The following CD36 variants were observed in gnomAD, a reference collection of about 807,000 sequenced individuals.
CD36 encodes platelet glycoprotein 4.
A neutral mutation model predicts 55.2 loss-of-function variants in CD36; 119 were observed. The ratio of observed to expected loss-of-function variants is 2.15; its 90% CI spans 1.86 to 2.51. CD36 has a LOEUF of 2.51. Ranked by LOEUF, CD36 falls within the 30% of genes most tolerant of loss-of-function variation. CD36 has a pLI of 0.00. For synonymous variants in CD36, 186 were observed against 193.6 expected (o/e 0.96, Z 0.33); for missense variants, 819 against 555.5 (o/e 1.47, Z -4.77).
chr7:80,631,322 C>A (rs894233939), intron 1 of CD36, among the ~76,000 whole-genome samples: 1 of 151,924 alleles, frequency 6.6e-6, no homozygotes, highest in Non-Finnish European at 1.5e-5. Context: ...GATAACTAAA[C>A]CTACATAGGA....
At chr7:80,608,693 C>A (rs907947672) in intron 1 of CD36, among the ~76,000 whole-genome samples, 2 of 151,912 alleles carry the variant, frequency 1.3e-5, no homozygotes, top group Admixed American at 1.3e-4. Flanking sequence ...AATATTAAAC[C>A]CTGACAGGAC....
intron 1 of CD36, among the ~76,000 whole-genome samples, chr7:80,611,687 G>T (rs887062736): frequency 6.6e-6 from 1 of 152,168 alleles, no homozygotes; most frequent in Non-Finnish European, 1.5e-5. Flanking sequence ...GTTGGTTGGG[G>T]AGGGTCGAGG....
At chr7:80,650,340 A>G (rs1584381504) in intron 3 of CD36, among the ~76,000 whole-genome samples, 1 of 152,130 alleles carries the variant, frequency 6.6e-6, no homozygotes, top group African/African-American at 2.4e-5. Context: ...TAGGTGGAAT[A>G]TTGTTTGAAT....
intron 4 of CD36, among the ~76,000 whole-genome samples, chr7:80,659,696 A>G (rs1796375712): frequency 6.6e-6 from 1 of 152,110 alleles, no homozygotes; most frequent in African/African-American, 2.4e-5. Flanking sequence ...CACTTTAGGT[A>G]ACGTGACAAT....
intron 1 of CD36, among the ~76,000 whole-genome samples, chr7:80,606,668 C>T (rs531970882): frequency 5.3e-5 from 8 of 152,296 alleles, no homozygotes; most frequent in Admixed American, 5.2e-4. Flanking sequence ...CAGTCCATTT[C>T]ACTCTGGGTC....
In CD36 at chr7:80,664,470, C is replaced by T. The variant is rs1452003622; in HGVS notation, c.674C>T (p.Ala225Val). 8 of 1,572,368 alleles carry T rather than the reference C, an allele frequency of 5.1e-6. No homozygotes were observed. The highest frequency in any genetic ancestry group is 7.0e-6 in the Non-Finnish European group (8 of 1,142,390). ...GGAAAAGATAACATAAGTAAAGTTG[C>T]CATAATCGACACATATAAAGGTAAA... Reference protein sequence around the residue: ...FNGKDNISKVAIIDTYKGKRN... With the variant: ...FNGKDNISKVVIIDTYKGKRN... The change falls in exon 7 of 15, where the codon GCC becomes GTC. Residue 225 changes from alanine (A) to valine (V), a missense_variant. Physicochemically the swap from Ala to Val is moderately conservative, Grantham distance 64. Coordinates refer to ENST00000447544, the MANE Select transcript of CD36 (RefSeq NM_001001548.3).
chr7:80,675,633 C>CTTGA (rs1416693537), intron 14 of CD36, among the ~76,000 whole-genome samples: 1 of 151,896 alleles, frequency 6.6e-6, no homozygotes, highest in African/African-American at 2.4e-5. Context: ...CTGTTGATTA[C>CTTGA]TTGATTTACT....
chr7:80,639,741 C>A (rs1794686537), intron 1 of CD36: 1 of 151,732 alleles, frequency 6.6e-6, no homozygotes, highest in Non-Finnish European at 1.5e-5. Context: ...CACAAGGAAG[C>A]CAAAATGAAA....
upstream of CD36, among the ~76,000 whole-genome samples, chr7:80,635,748 C>A (rs571733828): frequency 6.6e-6 from 1 of 152,058 alleles, no homozygotes; most frequent in Non-Finnish European, 1.5e-5. Context: ...AATTCAGACT[C>A]GGATTCCATT....
At chr7:80,624,043 G>A (rs902512486) in intron 1 of CD36, 1 of 152,176 alleles carries the variant, frequency 6.6e-6, no homozygotes, top group African/African-American at 2.4e-5. Context: ...TAGGAGGTGG[G>A]ACTGACTGAT....
chr7:80,610,031 T>C (rs189269264), intron 1 of CD36, among the ~76,000 whole-genome samples: 2 of 152,294 alleles, frequency 1.3e-5, no homozygotes, highest in Admixed American at 1.3e-4. Flanking sequence ...AAAGCCTTCC[T>C]TGGAAAACAA....
At chr7:80,641,026 T>C (rs1307203219) in intron 1 of CD36, among the ~76,000 whole-genome samples, 2 of 152,082 alleles carry the variant, frequency 1.3e-5, no homozygotes, top group Non-Finnish European at 2.9e-5. Context: ...GAAAATTACT[T>C]GTGGAGCCCA....
chr7:80,621,637 A>AT (rs869183504), intron 1 of CD36, among the ~76,000 whole-genome samples: 14 of 152,218 alleles, frequency 9.2e-5, no homozygotes, highest in African/African-American at 3.1e-4. Context: ...GGTCATTTAT[A>AT]TTTTTTTAAA....
chr7:80,611,865 G>A (rs1457836193), intron 1 of CD36, among the ~76,000 whole-genome samples: 1 of 152,190 alleles, frequency 6.6e-6, no homozygotes, highest in East Asian at 1.9e-4. Flanking sequence ...AAGGGAATGT[G>A]TAGTATCTGT....
intron 1 of CD36, among the ~76,000 whole-genome samples, chr7:80,631,495 C>G (rs975935487): frequency 2.0e-5 from 3 of 151,376 alleles, no homozygotes; most frequent in African/African-American, 2.4e-5. Flanking sequence ...CTCTATTATT[C>G]AAAGTTTAAA....
intron 3 of CD36, among the ~76,000 whole-genome samples, chr7:80,653,484 C>A (rs1165081996): frequency 1.3e-5 from 2 of 152,138 alleles, no homozygotes; most frequent in Non-Finnish European, 2.9e-5. Flanking sequence ...GTGCTTTCAA[C>A]CCAGCTATAG....
At chr7:80,657,245 A>G (rs1005622706) in intron 4 of CD36, among the ~76,000 whole-genome samples, 1 of 152,160 alleles carries the variant, frequency 6.6e-6, no homozygotes, top group African/African-American at 2.4e-5. Context: ...GAGGCCCACT[A>G]AAGAGTTTTA....
chr7:80,638,123 T>C (rs1353535078), upstream of CD36, among the ~76,000 whole-genome samples: 1 of 152,038 alleles, frequency 6.6e-6, no homozygotes, highest in Admixed American at 6.6e-5. Flanking sequence ...AGTCAGTTTG[T>C]CATCCTTGCT....
At chr7:80,660,385 G>C (rs899517304) in intron 4 of CD36, among the ~76,000 whole-genome samples, 1 of 152,112 alleles carries the variant, frequency 6.6e-6, no homozygotes, top group Non-Finnish European at 1.5e-5. Context: ...CATTAAAGAA[G>C]TCCTGAAAAA....
Sources: gnomAD v4.1 joint callset for allele counts (sites outside exome capture counted in the v4.1 genomes callset) on GRCh38, gnomAD v4.1.1 for gene constraint, MANE v1.5 for transcripts, NCBI Gene and HGNC (gene_info 2026-07-23, HGNC 2026-07-21) for gene names.